The following NACA variants were observed in gnomAD, a reference collection of about 807,000 sequenced individuals.
The protein encoded by NACA is nascent polypeptide associated complex subunit alpha, also known as nascent polypeptide-associated complex subunit alpha.
In NACA, 42 loss-of-function variants were observed where a neutral mutation model predicts 86.4. The ratio of observed to expected loss-of-function variants is 0.49; its 90% CI spans 0.38 to 0.63. The LOEUF is 0.63. Ranked by LOEUF, NACA falls within the 20% of genes least tolerant of loss-of-function variation. The probability of loss-of-function intolerance (pLI) is 0.00; values close to 1 mark genes in which losing one functional copy is unlikely to be tolerated. For missense variants in NACA, 2,157 were observed against 2,483.6 expected (o/e 0.87, Z 2.80); for synonymous variants, 898 against 973.7 (o/e 0.92, Z 1.45).
At chr12:56,722,225 T>TA (rs532682017) in intron 2 of NACA, among the ~76,000 whole-genome samples, 54 of 152,354 alleles carry the variant, frequency 3.5e-4, no homozygotes, top group South Asian at 1.7e-3. Flanking sequence ...AAAAGGACTG[T>TA]AATAGTCTCT....
Position 56,719,848 on chromosome 12 carries a change from G to A in NACA, c.1682C>T (p.Pro561Leu), listed in dbSNP as rs775022264. 3.7e-6 allele frequency: 6 copies of A among 1,613,884 alleles called. No individual in the cohort carries two copies. Among genetic ancestry groups the A allele is most frequent in the East Asian group, 2.2e-5 (1 of 44,876 alleles). The change falls in exon 3 of 9, where the codon CCG becomes CTG. Residue 561 changes from proline (P) to leucine (L), a missense_variant. Around this residue, in one of 8 missense-constraint regions of NACA, gnomAD observed 947 missense variants for 917.9 expected, o/e 1.03. Coordinates refer to ENST00000454682, the MANE Select transcript of NACA (RefSeq NM_001365896.1). ...ATTTTTAGGGGCTGCCTGGACTAACGGTAATACAGTAGGGTCTTTCTTGGT... is the reference window on the plus strand; with the variant it reads ...ATTTTTAGGGGCTGCCTGGACTAACAGTAATACAGTAGGGTCTTTCTTGGT... ...LTTKKDPTVL[P>L]LVQAAPKNSP...
At position 56,721,395 on chromosome 12, in the gene NACA, G is replaced by A; in HGVS notation, c.135C>T (p.Leu45=). The change falls in exon 3 of 9, where the codon CTC becomes CTT. Residue 45 remains leucine (L), a synonymous_variant. Coordinates refer to ENST00000454682, the MANE Select transcript of NACA (RefSeq NM_001365896.1). ...TAALGQPGPT[L]PPPCSPAPQQ... ...GTGGGGCAGGAGAGCAAGGAGGGGG[G>A]AGGGTAGGTCCAGGCTGCCCTAAGG... 6.4e-7 allele frequency: 1 copy of A among 1,568,932 alleles called. No homozygotes were observed. Among genetic ancestry groups the A allele is most frequent in the Non-Finnish European group, 8.6e-7 (1 of 1,161,548 alleles).
At chr12:56,723,035 C>T (rs954154938) in intron 2 of NACA, among the ~76,000 whole-genome samples, 1 of 152,114 alleles carries the variant, frequency 6.6e-6, no homozygotes, top group Non-Finnish European at 1.5e-5. Context: ...CAAAGTCTAA[C>T]GATTACAGGA....
chr12:56,719,854 A>G lies in NACA; in HGVS notation c.1676T>C (p.Val559Ala). ...AGGGGCTGCCTGGACTAACGGTAAT[A>G]CAGTAGGGTCTTTCTTGGTGGTGAG... ...AGLTTKKDPT[V>A]LPLVQAAPKN... The change falls in exon 3 of 9, where the codon GTA becomes GCA. Residue 559 changes from valine to alanine, a missense_variant. Physicochemically the swap from Val to Ala is moderately conservative, Grantham distance 64. Coordinates refer to ENST00000454682, the MANE Select transcript of NACA (RefSeq NM_001365896.1). 1 of 1,613,812 alleles carries G rather than the reference A, an allele frequency of 6.2e-7. No homozygotes were observed. Among genetic ancestry groups the G allele is most frequent in the Non-Finnish European group, 8.5e-7 (1 of 1,179,846 alleles).
In NACA at chr12:56,719,285, T is replaced by C. The variant is rs1416272420; in HGVS notation, c.2245A>G (p.Lys749Glu). 2.5e-6 allele frequency: 4 copies of C among 1,586,962 alleles called. No individual in the cohort carries two copies. Among genetic ancestry groups the C allele is most frequent in the East Asian group, 4.6e-5 (2 of 43,228 alleles). The change falls in exon 3 of 9, where the codon AAA (lysine) becomes GAA (glutamate). Residue 749 changes from lysine (K) to glutamate (E), a missense_variant. Lys to Glu is a moderately conservative substitution (Grantham distance 56). Coordinates refer to ENST00000454682, the MANE Select transcript of NACA (RefSeq NM_001365896.1). The stretch of plus-strand genomic sequence containing the variant: ...GTATGAGAAATACCATCAACCTTTT[T>C]TGTACCTGGAGGAGTCCCAGCTGGG... ...LPPAGTPPGT[K>E]KVDGISHTSA...
Position 56,716,169 on chromosome 12 carries a change from T to C in NACA, c.5361A>G (p.Ser1787=). 1.2e-6 allele frequency: 2 copies of C among 1,613,622 alleles called. No individual in the cohort carries two copies. Among genetic ancestry groups the C allele is most frequent in the South Asian group, 1.1e-5 (1 of 91,074 alleles). ...AFEKVLPKPE[S]ASVSAAPSPP... ...GGGAGGGTGCTGCAGAGACAGATGC[T>C]GATTCAGGTTTAGGAAGGACCTTCT... The change falls in exon 3 of 9, where the codon TCA becomes TCG. Residue 1787 remains serine, a synonymous_variant. Coordinates refer to ENST00000454682, the MANE Select transcript of NACA (RefSeq NM_001365896.1).
At chr12:56,722,052 C>G (rs1317096183) in intron 2 of NACA, among the ~76,000 whole-genome samples, 2 of 152,234 alleles carry the variant, frequency 1.3e-5, no homozygotes, top group Non-Finnish European at 2.9e-5. Context: ...TAGGAAACAT[C>G]TGACTCTGTT....
At chr12:56,713,443 C>A in intron 6 of NACA, 94 bp downstream of exon 6, 1 of 1,476,000 alleles carries the variant, frequency 6.8e-7, no homozygotes. Context: ...ATGGATAGCC[C>A]TTCCATAACA....
chr12:56,724,339 G>T, intron 2 of NACA, 113 bp downstream of exon 2: 1 of 1,004,740 alleles, frequency 1.0e-6, no homozygotes, highest in Non-Finnish European at 1.5e-6. Context: ...TATCCTCCTT[G>T]GTAAAGCTGC....
At chr12:56,715,757 C>T in intron 3 of NACA, 114 bp downstream of exon 3, 1 of 974,066 alleles carries the variant, frequency 1.0e-6, no homozygotes, top group Non-Finnish European at 1.5e-6. Context: ...ACATCCAAAC[C>T]CAAGCAGATT....
rs766811694 is a variant in NACA, at chr12:56,716,117, A to G, written c.5413T>C (p.Ser1805Pro). 33 of 1,613,250 alleles carry G rather than the reference A, an allele frequency of 2.0e-5. No individual in the cohort carries two copies. Among genetic ancestry groups the G allele is most frequent in the Non-Finnish European group, 2.5e-5 (30 of 1,179,706 alleles). ...TTAGGAGGCAGAGTGGGAACTGGGG[A>G]GGGAGCAAGAGGCAGAGAGACTGGT... ...SPPVSLPLAP[S>P]PVPTLPPKQQ... is the part of the protein sequence containing the mutation. The change falls in exon 3 of 9, where the codon TCC becomes CCC. Residue 1805 changes from serine to proline, a missense_variant. By Grantham distance (74) the Ser-to-Pro change is moderately conservative. This residue lies in a region of NACA where 797 missense variants were observed against 777.6 expected (regional missense o/e 1.02). Transcript: ENST00000454682.
Position 56,714,450 on chromosome 12 carries a change from A to T in NACA, c.5746-11T>A, listed in dbSNP as rs202197847. On this transcript the variant is annotated splice_polypyrimidine_tract_variant and intron_variant, in intron 4 of 8. Transcript: ENST00000454682. Reference sequence around the variant, plus strand: ...AGCTGCTGCCGCCAGCTAAGAAGATAAAACAGCTATTAGTTAACCAGAATC... The same window carrying T: ...AGCTGCTGCCGCCAGCTAAGAAGATTAAACAGCTATTAGTTAACCAGAATC... The T allele has an allele frequency of 8.1e-6, 13 of 1,613,718 alleles. No homozygotes were observed. Among genetic ancestry groups the T allele is most frequent in the Non-Finnish European group, 1.0e-5 (12 of 1,179,706 alleles).
At position 56,715,819 on chromosome 12, in the gene NACA, G is replaced by C; in HGVS notation, c.5659+52C>G. ...GTTAGTATTGGTGGGTAGCGCCCAA[G>C]AGGGGTGTGGACGACAGACACACCA... On this transcript the variant is annotated intron_variant, in intron 3 of 8. Coordinates refer to ENST00000454682, the MANE Select transcript of NACA (RefSeq NM_001365896.1). The C allele has an allele frequency of 2.1e-6, 3 of 1,448,954 alleles. No individual in the cohort carries two copies. In the South Asian group the frequency reaches 4.6e-5, roughly 22 times the overall value. 89.8% of individuals were successfully genotyped at this position (1,448,954 alleles called of 1,614,324 possible). A position where few individuals can be genotyped will look rare whatever the true frequency, so the allele number is the denominator to read the frequency against.
At position 56,715,909 on chromosome 12, in the gene NACA, G is replaced by A. The variant is rs771257648; in HGVS notation, c.5621C>T (p.Thr1874Ile). 6.6e-6 allele frequency: 10 copies of A among 1,520,600 alleles called. No homozygotes were observed. The highest frequency in any genetic ancestry group is 8.8e-6 in the Non-Finnish European group (10 of 1,134,582). The allele number at this position is 1,520,600 out of a possible 1,614,324, so 94.2% of individuals were successfully genotyped here. A position where few individuals can be genotyped will look rare whatever the true frequency, so the allele number is the denominator to read the frequency against. The part of the protein sequence containing the change: ...TPKSAGIPVP[T>I]PSAKQPVTKN... ...CGTAACAGGTTGCTTGGCAGAGGGG[G>A]TTGGGACAGGGATTCCAGCAGATTT... Residue 1874 changes from threonine (T) to isoleucine (I), a missense_variant, in exon 3 of 9, where the codon ACC becomes ATC. Thr to Ile is a moderately conservative substitution (Grantham distance 89). Coordinates refer to ENST00000454682, the MANE Select transcript of NACA (RefSeq NM_001365896.1).
At chr12:56,721,515 A>G in intron 2 of NACA, 56 bp from the exon 3 acceptor site, 1 of 1,237,214 alleles carries the variant, frequency 8.1e-7, no homozygotes, top group Non-Finnish European at 1.1e-6. Context: ...AAAAAAGGTG[A>G]GTTATGCAGC....
intron 3 of NACA, among the ~76,000 whole-genome samples, chr12:56,715,668 T>C (rs1311964628): frequency 6.6e-6 from 1 of 152,096 alleles, no homozygotes; most frequent in Non-Finnish European, 1.5e-5. Flanking sequence ...GTACTATGTA[T>C]CTATCTGAAG....
intron 2 of NACA, 56 bp from the exon 3 acceptor site, chr12:56,721,515 A>T: frequency 8.1e-7 from 1 of 1,237,214 alleles, no homozygotes; most frequent in Non-Finnish European, 1.1e-6. Flanking sequence ...AAAAAAGGTG[A>T]GTTATGCAGC....
chr12:56,723,964 T>C (rs1464687089), intron 2 of NACA, among the ~76,000 whole-genome samples: 1 of 152,218 alleles, frequency 6.6e-6, no homozygotes, highest in Non-Finnish European at 1.5e-5. Context: ...TTATCCGACC[T>C]AGGACGACTC....
Position 56,716,333 on chromosome 12 carries a change from C to T in NACA, c.5197G>A (p.Val1733Met). 6.2e-7 allele frequency: 1 copy of T among 1,612,752 alleles called. No homozygotes were observed. The highest frequency in any genetic ancestry group is 8.5e-7 in the Non-Finnish European group (1 of 1,179,634). The change falls in exon 3 of 9, where the codon GTG (valine) becomes ATG (methionine). Residue 1733 changes from valine to methionine, a missense_variant. Val to Met is a conservative substitution (Grantham distance 21). Transcript: ENST00000454682. ...KNGSKGPLST[V>M]APAPLLPVQK... ...ACAGGGAGTAGAGGGGCTGGAGCCA[C>T]TGTGGAAAGGGGTCCTTTAGAACCA... is the stretch of plus-strand genomic sequence containing the variant.
Sources: allele counts gnomAD v4.1 joint callset (sites outside exome capture counted in the v4.1 genomes callset), GRCh38; gene constraint gnomAD v4.1.1; regional missense constraint gnomAD v4.1.1; transcripts MANE v1.5; gene names NCBI Gene and HGNC (gene_info 2026-07-23, HGNC 2026-07-21).